Variants in PKN2 observed in about 807,000 individuals in gnomAD.
PKN2 encodes the protein serine/threonine-protein kinase N2.
Under a neutral mutation model 119.1 loss-of-function variants are expected in PKN2, and 38 were observed. The observed-to-expected ratio is 0.32, with a 90% confidence interval of 0.25 to 0.42. The LOEUF (loss-of-function observed/expected upper bound fraction) is 0.42, where lower values mean the gene tolerates loss of function less well. Ranked by LOEUF, PKN2 falls within the 10% of genes least tolerant of loss-of-function variation. The pLI is 1.00. For synonymous variants in PKN2, 390 were observed against 384.9 expected, an observed-to-expected ratio of 1.01 and a Z score of -0.15; for missense variants, 850 against 1,165.1, an observed-to-expected ratio of 0.73 and a Z score of 3.94.
At chr1:88,793,851 C>T (rs1217986532) in intron 8 of PKN2, among the ~76,000 whole-genome samples, 1 of 152,114 alleles carries the variant, frequency 6.6e-6, no homozygotes, top group Non-Finnish European at 1.5e-5. Context: ...AAAAAGTCTA[C>T]ATATTCAGTA....
At chr1:88,803,949 CT>C (rs1440135125) in intron 8 of PKN2, among the ~76,000 whole-genome samples, 1 of 152,074 alleles carries the variant, frequency 6.6e-6, no homozygotes, top group Non-Finnish European at 1.5e-5. Flanking sequence ...ATTTGCAGAA[CT>C]TTTTCTGGCT....
At chr1:88,755,555 A>G (rs1348561966) in intron 2 of PKN2, among the ~76,000 whole-genome samples, 1 of 152,178 alleles carries the variant, frequency 6.6e-6, no homozygotes, top group African/African-American at 2.4e-5. Flanking sequence ...GTGAAGATTA[A>G]ATGAGCAGAA....
At chr1:88,722,774 C>A (rs1264646539) in intron 1 of PKN2, among the ~76,000 whole-genome samples, 1 of 150,474 alleles carries the variant, frequency 6.6e-6, no homozygotes, top group Non-Finnish European at 1.5e-5. Flanking sequence ...CAGTGCAAGA[C>A]CCTGTCTCAA....
chr1:88,784,569 A>C, intron 6 of PKN2, 70 bp from the exon 7 acceptor site: 30 of 937,584 alleles, frequency 3.2e-5, no homozygotes, highest in Non-Finnish European at 3.7e-5. Context: ...TGAATAGGTA[A>C]GAGATTTAGA....
chr1:88,784,870 T>A (rs1176238173), intron 7 of PKN2, 46 bp downstream of exon 7: 1 of 1,176,262 alleles, frequency 8.5e-7, no homozygotes, highest in Non-Finnish European at 1.2e-6. Context: ...ACTAAAGTGC[T>A]TATACAAGGG....
intron 8 of PKN2, among the ~76,000 whole-genome samples, chr1:88,803,261 T>A (rs1330126438): frequency 3.3e-5 from 5 of 152,214 alleles, no homozygotes; most frequent in African/African-American, 1.2e-4. Context: ...CTTTTCATGT[T>A]GCATTTTTTA....
intron 1 of PKN2, among the ~76,000 whole-genome samples, chr1:88,717,112 GA>G (rs1667487053): frequency 6.6e-6 from 1 of 152,092 alleles, no homozygotes; most frequent in African/African-American, 2.4e-5. Flanking sequence ...TAAGAATGTT[GA>G]ATATTGGCCC....
chr1:88,764,717 C>T (rs1364638753), intron 3 of PKN2, among the ~76,000 whole-genome samples: 3 of 152,034 alleles, frequency 2.0e-5, no homozygotes, highest in East Asian at 1.9e-4. Context: ...TTTTTATTGT[C>T]AGCACAAGGA....
chr1:88,750,306 A>G (rs1355583229), intron 2 of PKN2, among the ~76,000 whole-genome samples: 1 of 152,220 alleles, frequency 6.6e-6, no homozygotes, highest in Non-Finnish European at 1.5e-5. Flanking sequence ...GGGTAAGGCT[A>G]GACCTTAAGT....
chr1:88,745,004 T>C (rs1668718169), intron 2 of PKN2, among the ~76,000 whole-genome samples: 3 of 152,210 alleles, frequency 2.0e-5, no homozygotes, highest in African/African-American at 7.2e-5. Flanking sequence ...ATCATATGAT[T>C]TTTGCCCATA....
chr1:88,831,847 C>T lies in PKN2; in HGVS notation c.2563-897C>T, dbSNP rs1239396942. Among the ~76,000 whole-genome samples the T allele has an allele frequency of 2.0e-5, 3 of 152,056 alleles. No homozygotes were observed. The East Asian group carries it at 5.8e-4, about 29-fold the overall frequency. On this transcript the variant is annotated intron_variant, in intron 19 of 21. Coordinates refer to ENST00000370521, the MANE Select transcript of PKN2 (RefSeq NM_006256.4). ...TTAAATGATATTTAGACATTTGTTTCCTGATTTAAAAAATGACTGAGTGAT... is the reference window on the plus strand; with the variant it reads ...TTAAATGATATTTAGACATTTGTTTTCTGATTTAAAAAATGACTGAGTGAT...
chr1:88,820,180 C>CTATATATATATATATATATATATATA (rs397980752), intron 16 of PKN2, among the ~76,000 whole-genome samples: 1 of 70,740 alleles, frequency 1.4e-5, no homozygotes, highest in African/African-American at 6.0e-5. Context: ...TTTCAGAAAC[C>CTATATATATATATATATATATATATA]TATATATATA....
At chr1:88,827,599 T>C (rs1300156640) in intron 18 of PKN2, among the ~76,000 whole-genome samples, 1 of 137,976 alleles carries the variant, frequency 7.2e-6, no homozygotes, top group East Asian at 2.1e-4. Context: ...CAACCTGTAC[T>C]CTCCCTTCCC....
At chr1:88,778,448 A>G (rs1670193528) in intron 6 of PKN2, among the ~76,000 whole-genome samples, 1 of 152,258 alleles carries the variant, frequency 6.6e-6, no homozygotes, top group Admixed American at 6.5e-5. Flanking sequence ...ACCATAGGTT[A>G]GAGCTTAGGG....
At chr1:88,710,737 G>A (rs917994261) in intron 1 of PKN2, among the ~76,000 whole-genome samples, 1 of 152,202 alleles carries the variant, frequency 6.6e-6, no homozygotes, top group Non-Finnish European at 1.5e-5. Flanking sequence ...GGAAGACGGT[G>A]TGGCAATTCT....
intron 1 of PKN2, among the ~76,000 whole-genome samples, chr1:88,727,960 A>G (rs1189937959): frequency 6.6e-6 from 1 of 150,620 alleles, no homozygotes; most frequent in Non-Finnish European, 1.5e-5. Context: ...TTTCTGTCTT[A>G]CTGGGCTGCC....
At chr1:88,828,116 T>C (rs1672584547) in intron 18 of PKN2, among the ~76,000 whole-genome samples, 1 of 152,188 alleles carries the variant, frequency 6.6e-6, no homozygotes, top group Non-Finnish European at 1.5e-5. Context: ...TTTTTTAGAA[T>C]GTTGATTTTA....
At chr1:88,764,685 T>C (rs1669587390) in intron 3 of PKN2, among the ~76,000 whole-genome samples, 1 of 152,226 alleles carries the variant, frequency 6.6e-6, no homozygotes, top group Non-Finnish European at 1.5e-5. Context: ...TATTTTCATA[T>C]TATCCCTTTT....
intron 2 of PKN2, among the ~76,000 whole-genome samples, chr1:88,757,764 T>A (rs903768973): frequency 1.3e-4 from 20 of 152,060 alleles, no homozygotes; most frequent in Non-Finnish European, 2.2e-4. Context: ...TCCAACAGGC[T>A]GGGCGTGGTG....
Sources: gnomAD v4.1 joint callset for allele counts (sites outside exome capture counted in the v4.1 genomes callset) on GRCh38, gnomAD v4.1.1 for gene constraint, MANE v1.5 for transcripts, NCBI Gene and HGNC (gene_info 2026-07-23, HGNC 2026-07-21) for gene names.